IL1RAPL2: variants seen among roughly 807,000 people sequenced by gnomAD.
The protein encoded by IL1RAPL2 is X-linked interleukin-1 receptor accessory protein-like 2.
Under a neutral mutation model 44.1 loss-of-function variants are expected in IL1RAPL2, and 3 were observed. The ratio of observed to expected loss-of-function variants is 0.07; its 90% CI spans 0.03 to 0.18. The LOEUF (loss-of-function observed/expected upper bound fraction) is 0.18, where lower values mean the gene tolerates loss of function less well. Among genes scored for constraint, IL1RAPL2 ranks in the 10% least tolerant of loss-of-function variants. IL1RAPL2 has a pLI of 1.00. For synonymous variants in IL1RAPL2, 181 were observed against 178.8 expected, an observed-to-expected ratio of 1.01 and a Z score of -0.10; for missense variants, 391 against 496.4, an observed-to-expected ratio of 0.79 and a Z score of 2.02.
intron 2 of IL1RAPL2, among the ~76,000 whole-genome samples, chrX:104,837,757 T>C (rs181526024): frequency 8.9e-6 from 1 of 112,046 alleles, no homozygotes; most frequent in East Asian, 2.8e-4. Flanking sequence ...CAATTTTGGC[T>C]TTTGTTGCCA....
intron 2 of IL1RAPL2, among the ~76,000 whole-genome samples, chrX:104,804,722 T>G (rs1932909223): frequency 8.9e-6 from 1 of 112,215 alleles, no homozygotes; most frequent in Admixed American, 9.4e-5. Context: ...ATGTTCAAGA[T>G]TATTCTGCTT....
rs1556297377 is a variant in IL1RAPL2 at position 105,356,184 on chromosome X, G to GGTTT, written c.697+88648_697+88651dup. ...TGTATGTGTGTGTGTGTGTGTGTGT[G>GGTTT]GTTTGTTTCTTGGGGGCTGAACTCA... is the stretch of plus-strand genomic sequence containing the variant. On this transcript the variant is annotated intron_variant, in intron 5 of 10. Transcript: ENST00000372582. Among the ~76,000 whole-genome samples, 681 of 108,185 alleles carry GGTTT rather than the reference G, an allele frequency of 6.3e-3. 2 individuals are homozygous for GGTTT. The highest frequency in any genetic ancestry group is 0.023 in the African/African-American group (650 of 28,556). The allele number at this position is 108,185 out of a possible 115,157, so 93.9% of individuals were successfully genotyped here.
At chrX:104,807,252 C>T (rs1393168426) in intron 2 of IL1RAPL2, among the ~76,000 whole-genome samples, 1 of 111,319 alleles carries the variant, frequency 9.0e-6, no homozygotes, top group Non-Finnish European at 1.9e-5. Flanking sequence ...TTTGCAGACT[C>T]TGACTACAAA....
intron 2 of IL1RAPL2, among the ~76,000 whole-genome samples, chrX:105,093,154 T>G (rs1188692608): frequency 9.2e-6 from 1 of 109,273 alleles, no homozygotes; most frequent in Non-Finnish European, 1.9e-5. Flanking sequence ...CTAGGGCTTA[T>G]AAATACCCTC....
chrX:105,279,494 T>C (rs1294564636), intron 5 of IL1RAPL2, among the ~76,000 whole-genome samples: 1 of 111,568 alleles, frequency 9.0e-6, no homozygotes, highest in African/African-American at 3.3e-5. Context: ...TGTTTTGTTT[T>C]GTTTGAGATG....
chrX:104,800,766 A>G (rs1932880164), intron 2 of IL1RAPL2, among the ~76,000 whole-genome samples: 1 of 112,763 alleles, frequency 8.9e-6, no homozygotes, highest in Admixed American at 9.4e-5. Context: ...AGCAGAGAGC[A>G]GGCCTCTGAA....
intron 1 of IL1RAPL2, among the ~76,000 whole-genome samples, chrX:104,625,534 C>A (rs1406805573): frequency 4.5e-5 from 5 of 110,910 alleles, no homozygotes; most frequent in African/African-American, 1.7e-4. Flanking sequence ...CATTTGTTGT[C>A]TTCTTTTTCT....
Position 105,749,111 on chromosome X carries a change from G to C in IL1RAPL2, c.1192+8G>C. 8.4e-7 allele frequency: 1 copy of C among 1,196,019 alleles called. No homozygotes were observed. The highest frequency in any genetic ancestry group is 1.1e-6 in the Non-Finnish European group (1 of 886,190). ...CTGATGAAACTAATGATGGTAAGCT[G>C]TCTTCTATTGTTCAAATTCCATTAA... is the stretch of plus-strand genomic sequence containing the variant. On this transcript the variant is annotated splice_region_variant and intron_variant, in intron 9 of 10. Transcript: ENST00000372582.
chrX:105,427,912 T>C (rs1279970911), intron 5 of IL1RAPL2, among the ~76,000 whole-genome samples: 1 of 111,945 alleles, frequency 8.9e-6, no homozygotes, highest in African/African-American at 3.2e-5. Context: ...AACTAGATGT[T>C]GGAGGTTTGA....
intron 2 of IL1RAPL2, among the ~76,000 whole-genome samples, chrX:104,894,985 T>A (rs1216642066): frequency 3.5e-5 from 4 of 112,790 alleles, no homozygotes; most frequent in Non-Finnish European, 7.5e-5. Context: ...CCTTTCTGTT[T>A]GTTAGTTTTC....
chrX:104,711,707 G>A (rs751095590), intron 2 of IL1RAPL2, among the ~76,000 whole-genome samples: 3 of 110,377 alleles, frequency 2.7e-5, no homozygotes, highest in South Asian at 7.6e-4. Flanking sequence ...AGATTTTTTG[G>A]TAAATATTCT....
At chrX:104,993,236 A>C (rs1357494560) in intron 2 of IL1RAPL2, among the ~76,000 whole-genome samples, 1 of 111,817 alleles carries the variant, frequency 8.9e-6, no homozygotes, top group Non-Finnish European at 1.9e-5. Context: ...CATGAGTCTG[A>C]TATTAATTGT....
intron 2 of IL1RAPL2, among the ~76,000 whole-genome samples, chrX:105,069,986 C>A (rs1010259889): frequency 7.1e-5 from 8 of 111,925 alleles, no homozygotes; most frequent in African/African-American, 9.7e-5. Context: ...TTTTGATTTT[C>A]TTGATGTGGC....
chrX:105,360,214 A>G (rs2035237710), intron 5 of IL1RAPL2, among the ~76,000 whole-genome samples: 1 of 111,729 alleles, frequency 9.0e-6, no homozygotes, highest in African/African-American at 3.3e-5. Context: ...TAATGGGAAT[A>G]CTATATGAGA....
chrX:104,756,474 C>A (rs1231911062), intron 2 of IL1RAPL2, among the ~76,000 whole-genome samples: 2 of 110,972 alleles, frequency 1.8e-5, no homozygotes, highest in Non-Finnish European at 3.8e-5. Flanking sequence ...CTAGTCCCAG[C>A]AAATGCCCAG....
At chrX:105,234,066 G>A (rs1395046524) in intron 4 of IL1RAPL2, 62 bp downstream of exon 4, 3 of 932,193 alleles carry the variant, frequency 3.2e-6, no homozygotes. Flanking sequence ...TGGGGATGAG[G>A]AAAGGGAGAT....
At chrX:104,731,463 C>A (rs779743354) in intron 2 of IL1RAPL2, among the ~76,000 whole-genome samples, 2 of 111,308 alleles carry the variant, frequency 1.8e-5, no homozygotes, top group African/African-American at 6.5e-5. Context: ...AATGCAGTGG[C>A]GCAGTCTCTA....
At chrX:104,829,497 C>T (rs1244272738) in intron 2 of IL1RAPL2, among the ~76,000 whole-genome samples, 1 of 112,138 alleles carries the variant, frequency 8.9e-6, no homozygotes, top group Non-Finnish European at 1.9e-5. Flanking sequence ...GAACTGGGTA[C>T]TTTAGTTGGA....
At chrX:104,633,377 C>T (rs1381798604) in intron 1 of IL1RAPL2, among the ~76,000 whole-genome samples, 4 of 111,526 alleles carry the variant, frequency 3.6e-5, no homozygotes, top group Admixed American at 2.9e-4. Context: ...GGGAGGATTC[C>T]CTCTTTTTCT....
Sources: gnomAD v4.1 joint callset for allele counts (sites outside exome capture counted in the v4.1 genomes callset) on GRCh38, gnomAD v4.1.1 for gene constraint, MANE v1.5 for transcripts, NCBI Gene and HGNC (gene_info 2026-07-23, HGNC 2026-07-21) for gene names.